The following HSD17B12 variants were observed in gnomAD, a reference collection of about 807,000 sequenced individuals.
HSD17B12 encodes the protein very-long-chain 3-oxoacyl-CoA reductase.
A neutral mutation model predicts 39.3 loss-of-function variants in HSD17B12; 32 were observed. That is an observed-to-expected ratio of 0.81 (90% confidence interval 0.61 to 1.09). HSD17B12 has a LOEUF of 1.09. HSD17B12 is among the 50% of genes least tolerant of loss of function. The pLI, the probability that HSD17B12 is intolerant of heterozygous loss-of-function variation, is 0.00. For missense variants in HSD17B12, 342 were observed against 382.9 expected, an observed-to-expected ratio of 0.89 and a Z score of 0.89; for synonymous variants, 150 against 146.7, an observed-to-expected ratio of 1.02 and a Z score of -0.16.
intron 7 of HSD17B12, chr11:43,833,320 A>G (rs1441171780): frequency 6.6e-6 from 1 of 152,152 alleles, no homozygotes; most frequent in Non-Finnish European, 1.5e-5. Context: ...CTTAACACAT[A>G]AAGGTTTACT....
chr11:43,733,378 G>A (rs1950287049), intron 1 of HSD17B12, among the ~76,000 whole-genome samples: 1 of 152,092 alleles, frequency 6.6e-6, no homozygotes, highest in Non-Finnish European at 1.5e-5. Context: ...GGGTTGTTTG[G>A]GGAACTACTG....
At chr11:43,779,320 T>A (rs559608300) in intron 3 of HSD17B12, among the ~76,000 whole-genome samples, 1 of 152,358 alleles carries the variant, frequency 6.6e-6, no homozygotes, top group South Asian at 2.1e-4. Context: ...ATTTGACTGA[T>A]CCTAGTTACT....
chr11:43,819,945 T>C (rs1437688168), intron 6 of HSD17B12, among the ~76,000 whole-genome samples: 1 of 152,150 alleles, frequency 6.6e-6, no homozygotes, highest in Non-Finnish European at 1.5e-5. Flanking sequence ...GAAAAACAAA[T>C]CAAAACTCTC....
At chr11:43,683,327 G>A (rs1223876967) in intron 1 of HSD17B12, among the ~76,000 whole-genome samples, 1 of 152,084 alleles carries the variant, frequency 6.6e-6, no homozygotes. Flanking sequence ...CACTGGAACA[G>A]CAGAGGATCA....
chr11:43,745,458 C>G (rs573487686), intron 1 of HSD17B12, among the ~76,000 whole-genome samples: 29 of 152,180 alleles, frequency 1.9e-4, no homozygotes, highest in Non-Finnish European at 3.8e-4. Context: ...TATATATAGT[C>G]ATATGTCATT....
chr11:43,852,869 T>A (rs1951545055), intron 9 of HSD17B12: 1 of 152,166 alleles, frequency 6.6e-6, no homozygotes, highest in Non-Finnish European at 1.5e-5. Context: ...ATACTTAGTA[T>A]GAGTCTGTGG....
At chr11:43,780,746 C>T (rs1565086729) in intron 3 of HSD17B12, among the ~76,000 whole-genome samples, 1 of 152,134 alleles carries the variant, frequency 6.6e-6, no homozygotes, top group Non-Finnish European at 1.5e-5. Context: ...ATGCATTACT[C>T]ACATTCTTTT....
chr11:43,837,056 C>T (rs1951377982), intron 7 of HSD17B12, among the ~76,000 whole-genome samples: 1 of 152,094 alleles, frequency 6.6e-6, no homozygotes, highest in African/African-American at 2.4e-5. Flanking sequence ...TGTTAAACAA[C>T]AACAACAACT....
At chr11:43,625,939 A>C in the HSD17B12 span, among the ~76,000 whole-genome samples, 1 of 139,472 alleles carries the variant, frequency 7.2e-6, no homozygotes, top group Non-Finnish European at 1.6e-5. Flanking sequence ...TACTGTAAAC[A>C]TTTAAAACTC....
chr11:43,707,772 C>T (rs1950029062), intron 1 of HSD17B12, among the ~76,000 whole-genome samples: 1 of 152,054 alleles, frequency 6.6e-6, no homozygotes, highest in Non-Finnish European at 1.5e-5. Flanking sequence ...TGTTATTTTT[C>T]CCGCACTTGT....
intron 1 of HSD17B12, among the ~76,000 whole-genome samples, chr11:43,739,231 G>C (rs561660075): frequency 2.3e-4 from 35 of 152,280 alleles, no homozygotes; most frequent in Admixed American, 5.9e-4. Context: ...TTTCACAAAG[G>C]GGGAGTTCGG....
the HSD17B12 span, among the ~76,000 whole-genome samples, chr11:43,631,381 G>A: frequency 1.3e-5 from 2 of 152,122 alleles, no homozygotes; most frequent in Non-Finnish European, 2.9e-5. Flanking sequence ...AATTCCTAAA[G>A]GCATCTTCCA....
Position 43,815,481 on chromosome 11 carries a change from G to T in HSD17B12, c.436G>T (p.Asp146Tyr). 1.3e-6 allele frequency: 2 copies of T among 1,577,858 alleles called. No individual in the cohort carries two copies. Among genetic ancestry groups the T allele is most frequent in the Admixed American group, 1.7e-5 (1 of 59,688 alleles). ...MSYEYPEYFL[D>Y]VPDLDNVIKK... ...GTATGAGTATCCTGAATACTTTTTGGATGTTCCTGACTTGGACAATGTAAG... is the reference window on the plus strand; with the variant it reads ...GTATGAGTATCCTGAATACTTTTTGTATGTTCCTGACTTGGACAATGTAAG... The change falls in exon 5 of 11, where the codon GAT becomes TAT. Residue 146 changes from aspartate (D) to tyrosine (Y), a missense_variant. Coordinates refer to ENST00000278353, the MANE Select transcript of HSD17B12 (RefSeq NM_016142.3).
At chr11:43,720,124 T>C (rs1323819382) in intron 1 of HSD17B12, among the ~76,000 whole-genome samples, 2 of 152,194 alleles carry the variant, frequency 1.3e-5, no homozygotes, top group Non-Finnish European at 1.5e-5. Context: ...GACAAACCTC[T>C]GATTTGATAT....
intron 1 of HSD17B12, among the ~76,000 whole-genome samples, chr11:43,716,372 G>A (rs1950123263): frequency 1.3e-5 from 2 of 152,142 alleles, no homozygotes; most frequent in African/African-American, 2.4e-5. Context: ...CCTACTCTGA[G>A]GGTAAACTTG....
chr11:43,623,874 G>C, the HSD17B12 span, among the ~76,000 whole-genome samples: 1 of 151,998 alleles, frequency 6.6e-6, no homozygotes, highest in Admixed American at 6.6e-5. Context: ...CAAGCCATCA[G>C]TGAGATTACA....
chr11:43,757,717 A>AC (rs56745667), intron 3 of HSD17B12, among the ~76,000 whole-genome samples: 17,111 of 115,870 alleles, frequency 0.15, 1,155 homozygotes, highest in Middle Eastern at 0.24. Flanking sequence ...AAGCACACAC[A>AC]AAAAAAACAG....
intron 1 of HSD17B12, among the ~76,000 whole-genome samples, chr11:43,732,711 C>T (rs1950280668): frequency 1.3e-5 from 2 of 152,090 alleles, no homozygotes; most frequent in Non-Finnish European, 2.9e-5. Context: ...GATCCTTCTG[C>T]GTTGGCTTCT....
At chr11:43,723,547 A>G (rs1950194090) in intron 1 of HSD17B12, among the ~76,000 whole-genome samples, 3 of 152,178 alleles carry the variant, frequency 2.0e-5, no homozygotes, top group Non-Finnish European at 4.4e-5. Context: ...AAGGTTAGTT[A>G]GTGGCATATT....
Sources: gnomAD v4.1 joint callset for allele counts (sites outside exome capture counted in the v4.1 genomes callset) on GRCh38, gnomAD v4.1.1 for gene constraint, MANE v1.5 for transcripts, NCBI Gene and HGNC (gene_info 2026-07-23, HGNC 2026-07-21) for gene names.